TSPEAR: variants seen among roughly 807,000 people sequenced by gnomAD.
The protein encoded by TSPEAR is thrombospondin-type laminin G domain and EAR repeat-containing protein.
Under a neutral mutation model 71.6 loss-of-function variants are expected in TSPEAR, and 69 were observed. The observed-to-expected ratio is 0.96, with a 90% confidence interval of 0.79 to 1.18. The LOEUF (loss-of-function observed/expected upper bound fraction) is 1.18. Ranked by LOEUF, TSPEAR falls within the 50% of genes most tolerant of loss-of-function variation. The pLI, the probability that TSPEAR is intolerant of heterozygous loss-of-function variation, is 0.00. For synonymous variants in TSPEAR, 402 were observed against 387.2 expected (o/e 1.04, Z -0.45); for missense variants, 971 against 894.9 (o/e 1.09, Z -1.09).
chr21:44,703,227 G>A (rs1555951810), intron 1 of TSPEAR, among the ~76,000 whole-genome samples: 1 of 152,188 alleles, frequency 6.6e-6, no homozygotes, highest in Non-Finnish European at 1.5e-5. Context: ...CCTGGCTTCG[G>A]CAACCCTAGA....
At chr21:44,504,314 G>GT (rs1555911586) in intron 11 of TSPEAR, among the ~76,000 whole-genome samples, 34 of 145,382 alleles carry the variant, frequency 2.3e-4, no homozygotes, top group South Asian at 4.5e-4. Flanking sequence ...TGAGCCCTTA[G>GT]GGGGAAGCAA....
At chr21:44,513,870 G>C (rs782688721) in intron 9 of TSPEAR, among the ~76,000 whole-genome samples, 53 of 152,156 alleles carry the variant, frequency 3.5e-4, no homozygotes, top group Non-Finnish European at 4.9e-4. Context: ...CATCCTCTCT[G>C]AGGGTAGCCA....
At chr21:44,508,903 C>G (rs2052273662) in intron 10 of TSPEAR, 1 of 1,483,104 alleles carries the variant, frequency 6.7e-7, no homozygotes, top group Non-Finnish European at 9.1e-7. Flanking sequence ...AAGCCCCCTC[C>G]TGCCTCCACT....
chr21:44,528,651 G>A, intron 5 of TSPEAR, 68 bp from the exon 6 acceptor site: 1 of 1,583,210 alleles, frequency 6.3e-7, no homozygotes, highest in Non-Finnish European at 8.6e-7. Context: ...GACACAGGAA[G>A]AGGCCCCCAA....
chr21:44,512,251 A>G (rs1299184984), intron 9 of TSPEAR, among the ~76,000 whole-genome samples: 3 of 150,804 alleles, frequency 2.0e-5, no homozygotes, highest in African/African-American at 7.3e-5. Flanking sequence ...GCTTTTGAGC[A>G]GAACGAGGAG....
At chr21:44,508,067 G>C (rs1240556262) in intron 10 of TSPEAR, 2 of 152,208 alleles carry the variant, frequency 1.3e-5, no homozygotes, top group Non-Finnish European at 2.9e-5. Flanking sequence ...GGGCAAATAG[G>C]GAAAGTCCTT....
At chr21:44,587,907 G>A (rs1979446156) in intron 1 of TSPEAR, among the ~76,000 whole-genome samples, 1 of 152,194 alleles carries the variant, frequency 6.6e-6, no homozygotes, top group Non-Finnish European at 1.5e-5. Context: ...TCTAAGACCT[G>A]AAACTATTAG....
intron 1 of TSPEAR, chr21:44,592,507 G>T: frequency 1.3e-6 from 2 of 1,589,590 alleles, no homozygotes; most frequent in African/African-American, 1.3e-5. Context: ...CTGGTGGAGG[G>T]TGAGGGAGTG....
At chr21:44,517,460 G>A (rs782189606) in intron 9 of TSPEAR, 34 of 271,244 alleles carry the variant, frequency 1.3e-4, no homozygotes, top group Admixed American at 6.9e-4. Context: ...CTGTGAGGAC[G>A]TGAGCACAGG....
intron 1 of TSPEAR, chr21:44,654,371 C>T (rs1984997493): frequency 6.2e-7 from 1 of 1,614,174 alleles, no homozygotes. Flanking sequence ...AAGGAAGCCA[C>T]ACACAAAACA....
chr21:44,513,032 G>A (rs2052439182), intron 9 of TSPEAR, among the ~76,000 whole-genome samples: 1 of 152,228 alleles, frequency 6.6e-6, no homozygotes, highest in Non-Finnish European at 1.5e-5. Flanking sequence ...GACAACGAAT[G>A]ATTCTTTAGT....
rs1443973999 is a variant in TSPEAR, at chr21:44,623,386, ACTTCATGTAGCCC to A, written c.83-55394_83-55382del. ...AGTATAGTGTACTAAGACTGCTTTA[ACTTCATGTAGCCC>A]CCTCCTGAATTTTGTGATCTTCTTG... On this transcript the variant is annotated intron_variant, in intron 1 of 11. Transcript: ENST00000323084. The surrounding 1 kb of genome is among the most constrained non-coding windows in gnomAD (Gnocchi z 4.5). Among the ~76,000 whole-genome samples, 4 of 152,144 alleles carry A rather than the reference ACTTCATGTAGCCC, an allele frequency of 2.6e-5. No individual in the cohort carries two copies. Among genetic ancestry groups the A allele is most frequent in the Non-Finnish European group, 5.9e-5 (4 of 68,012 alleles).
rs1601592069 is a variant in TSPEAR at position 44,711,247 on chromosome 21, T to C, written c.82+186A>G. ...TATTGCAACTGCCTGCCCTGCGCTT[T>C]CATCTTCCCCACCTGTGCTCCTCCC... On this transcript the variant is annotated intron_variant, in intron 1 of 11. Coordinates refer to ENST00000323084, the MANE Select transcript of TSPEAR (RefSeq NM_144991.3). This position sits in a 1 kb window ranked among gnomAD's most constrained non-coding sequence, Gnocchi z 4.5. Among the ~76,000 whole-genome samples, 2 of 152,078 alleles carry C rather than the reference T, an allele frequency of 1.3e-5. No homozygotes were observed. The highest frequency in any genetic ancestry group is 2.9e-5 in the Non-Finnish European group (2 of 67,984).
intron 1 of TSPEAR, among the ~76,000 whole-genome samples, chr21:44,663,906 T>C (rs782191963): frequency 2.0e-5 from 3 of 152,002 alleles, no homozygotes. Context: ...TTTGACAAAA[T>C]TCAACATCCA....
At chr21:44,665,701 C>G (rs2329838) in intron 1 of TSPEAR, among the ~76,000 whole-genome samples, 108,788 of 152,044 alleles carry the variant, frequency 0.72, 39,377 homozygotes, top group African/African-American at 0.82. Flanking sequence ...TGGGTTCATG[C>G]GGGTTTATTA....
intron 1 of TSPEAR, chr21:44,574,582 G>C: frequency 7.7e-7 from 1 of 1,304,022 alleles, no homozygotes; most frequent in Non-Finnish European, 1.0e-6. Context: ...GTGCCTGTCT[G>C]CTGCAAGCCT....
At chr21:44,675,326 A>G (rs2146287924) in intron 1 of TSPEAR, among the ~76,000 whole-genome samples, 1 of 152,362 alleles carries the variant, frequency 6.6e-6, no homozygotes, top group South Asian at 2.1e-4. Flanking sequence ...GACAGAAAGT[A>G]TATGAGCATC....
intron 2 of TSPEAR, among the ~76,000 whole-genome samples, chr21:44,545,762 A>G (rs2053294509): frequency 6.6e-6 from 1 of 152,192 alleles, no homozygotes; most frequent in Non-Finnish European, 1.5e-5. Context: ...TGAAAGCAGT[A>G]TGTAGAGGGA....
chr21:44,579,641 G>GC, intron 1 of TSPEAR: 1 of 1,224,954 alleles, frequency 8.2e-7, no homozygotes, highest in East Asian at 2.4e-5. Flanking sequence ...ATGGAGGGGG[G>GC]GGTCACCTCA....
Sources: gnomAD v4.1 joint callset for allele counts (sites outside exome capture counted in the v4.1 genomes callset) on GRCh38, gnomAD v4.1.1 for gene constraint, Gnocchi (gnomAD v3.1) non-coding constraint, MANE v1.5 for transcripts, NCBI Gene and HGNC (gene_info 2026-07-23, HGNC 2026-07-21) for gene names.